Variants in EMX2 observed in about 807,000 individuals in gnomAD.
EMX2 encodes the protein homeobox protein EMX2.
A neutral mutation model predicts 23.0 loss-of-function variants in EMX2; 6 were observed. That is an observed-to-expected ratio of 0.26 (90% CI 0.14 to 0.52). EMX2 has a LOEUF of 0.52. EMX2 is among the 20% of genes least tolerant of loss of function. EMX2 has a pLI of 0.97. For synonymous variants in EMX2, 175 were observed against 153.3 expected (o/e 1.14, Z -1.04); for missense variants, 302 against 341.4 (o/e 0.88, Z 0.91).
rs1846568500 is a variant in EMX2, at chr10:117,545,745, G to A, written c.520G>A (p.Glu174Lys). The A allele has an allele frequency of 6.2e-7, 1 of 1,613,964 alleles. No homozygotes were observed. Among genetic ancestry groups the A allele is most frequent in the African/African-American group, 1.3e-5 (1 of 74,944 alleles). The change falls in exon 2 of 3, where the codon GAG becomes AAG. Residue 174 changes from glutamate (E) to lysine (K), a missense_variant. By Grantham distance (56) the Glu-to-Lys change is moderately conservative. Coordinates refer to ENST00000553456, the MANE Select transcript of EMX2 (RefSeq NM_004098.4). Reference sequence around the variant, plus strand: ...GCTTCTAAGGCTGGAACACGCCTTTGAGAAGAATCACTACGTGGTGGGCGC... The same window carrying A: ...GCTTCTAAGGCTGGAACACGCCTTTAAGAAGAATCACTACGTGGTGGGCGC... ...SQLLRLEHAF[E>K]KNHYVVGAER...
chr10:117,543,793 A>C (rs1589648263), intron 1 of EMX2, 120 bp downstream of exon 1: 1 of 1,502,770 alleles, frequency 6.7e-7, no homozygotes, highest in Non-Finnish European at 9.1e-7. Flanking sequence ...CTCGCGGGCC[A>C]GCGCGCCCTG....
At position 117,543,360 on chromosome 10, in the gene EMX2, C is replaced by A. The variant is rs146160041; in HGVS notation, c.93C>A (p.Ile31=). ...PLPASRSEDP[I]RPAALSYANS... is the part of the protein sequence containing the mutation. ...CCGCCTCGCGCTCCGAGGACCCCAT[C>A]CGTCCCGCGGCACTCAGCTACGCTA... Residue 31 remains isoleucine, a synonymous_variant, in exon 1 of 3, where the codon ATC becomes ATA. Coordinates refer to ENST00000553456, the MANE Select transcript of EMX2 (RefSeq NM_004098.4). 6.4e-7 allele frequency: 1 copy of A among 1,565,930 alleles called. No individual in the cohort carries two copies. The highest frequency in any genetic ancestry group is 8.6e-7 in the Non-Finnish European group (1 of 1,156,102).
chr10:117,548,260 G>C lies in EMX2; in HGVS notation c.*28G>C. ...ACATAAACCTAACCCCACAGAAACG[G>C]ACAACATGGAGCAAAAGAGACAGGG... On this transcript the variant is annotated 3_prime_UTR_variant, in exon 3 of 3. Coordinates refer to ENST00000553456, the MANE Select transcript of EMX2 (RefSeq NM_004098.4). 1 of 1,611,706 alleles carries C rather than the reference G, an allele frequency of 6.2e-7. No homozygotes were observed. Among genetic ancestry groups the C allele is most frequent in the Non-Finnish European group, 8.5e-7 (1 of 1,178,960 alleles).
At position 117,542,913 on chromosome 10, in the gene EMX2, CAAAAAAAAAAAAAAAAA is replaced by C. The variant is rs71013666; in HGVS notation, c.-347_-331del. On this transcript the variant is annotated 5_prime_UTR_variant, in exon 1 of 3. Transcript: ENST00000553456. ...CTCCGATCCCCCCACGCCATCTCGCCAAAAAAAAAAAAAAAAAAAAAAAAGAAAAAAAAAGAAAAAAA... is the reference window on the plus strand; with the variant it reads ...CTCCGATCCCCCCACGCCATCTCGCCAAAAAAAGAAAAAAAAAGAAAAAAA... 3.9e-4 allele frequency: 3 copies of C among 7,792 alleles called. No homozygotes were observed. Among genetic ancestry groups the C allele is most frequent in the African/African-American group, 1.3e-3 (2 of 1,494 alleles). The allele number at this position is 7,792 out of a possible 1,614,324, so 0.5% of individuals were successfully genotyped here.
rs751883477 is a variant in EMX2 at position 117,548,129 on chromosome 10, C to T, written c.656C>T (p.Ser219Leu). ...AGGCAGAAGCTGGAGGAAGAAGGCTCAGATTCGCAACAAAAGAAAAAAGGG... is the reference window on the plus strand; with the variant it reads ...AGGCAGAAGCTGGAGGAAGAAGGCTTAGATTCGCAACAAAAGAAAAAAGGG... ...FKRQKLEEEG[S>L]DSQQKKKGTH... The change falls in exon 3 of 3, where the codon TCA becomes TTA. Residue 219 changes from serine (S) to leucine (L), a missense_variant. This residue lies in a region of EMX2 where 42 missense variants were observed against 49.3 expected (regional missense o/e 0.85). Transcript: ENST00000553456. 1.4e-5 allele frequency: 23 copies of T among 1,613,568 alleles called. No homozygotes were observed. Among genetic ancestry groups the T allele is most frequent in the East Asian group, 2.2e-5 (1 of 44,870 alleles).
intron 2 of EMX2, among the ~76,000 whole-genome samples, chr10:117,547,209 G>A (rs1262289599): frequency 6.6e-6 from 1 of 152,194 alleles, no homozygotes; most frequent in Non-Finnish European, 1.5e-5. Flanking sequence ...CGGGCCTCCA[G>A]CCCCACCCTG....
In EMX2 at chr10:117,548,760, T is replaced by C. The variant is rs1302685636; in HGVS notation, c.*528T>C. 7.4e-6 allele frequency: 3 copies of C among 405,078 alleles called. No individual in the cohort carries two copies. The highest frequency in any genetic ancestry group is 1.3e-5 in the Non-Finnish European group (3 of 230,068). The allele number at this position is 405,078 out of a possible 1,614,324, so 25.1% of individuals were successfully genotyped here. A position where few individuals can be genotyped will look rare whatever the true frequency, so the allele number is the denominator to read the frequency against. On this transcript the variant is annotated 3_prime_UTR_variant, in exon 3 of 3. Transcript: ENST00000553456. Reference sequence around the variant, plus strand: ...CTTCGCTGTGTTTCCCCCCCATCTTTAAAAATAATTAGTAATAAAAAACAA... The same window carrying C: ...CTTCGCTGTGTTTCCCCCCCATCTTCAAAAATAATTAGTAATAAAAAACAA...
Position 117,548,360 on chromosome 10 carries a change from T to TCAC in EMX2, c.*129_*130insACC. 1 of 1,390,386 alleles carries TCAC rather than the reference T, an allele frequency of 7.2e-7. No individual in the cohort carries two copies. The highest frequency in any genetic ancestry group is 9.7e-7 in the Non-Finnish European group (1 of 1,030,984). 86.1% of individuals were successfully genotyped at this position (1,390,386 alleles called of 1,614,324 possible). On this transcript the variant is annotated 3_prime_UTR_variant, in exon 3 of 3. Transcript: ENST00000553456. ...CGTTCACCGAGAAAGGGAGAGGGAA[T>TCAC]CGGAGGGAGCAGCGGAATGCGGCGA...
rs899624530 is a variant in EMX2 at position 117,548,584 on chromosome 10, T to C, written c.*352T>C. ...AGAGAGAGAGAGAGAAAGCTGAACG[T>C]GCACTCTGACAAGGGGAGCTGTCAA... On this transcript the variant is annotated 3_prime_UTR_variant, in exon 3 of 3. Coordinates refer to ENST00000553456, the MANE Select transcript of EMX2 (RefSeq NM_004098.4). 3.7e-5 allele frequency: 19 copies of C among 517,826 alleles called. No individual in the cohort carries two copies. Among genetic ancestry groups the C allele is most frequent in the Admixed American group, 7.5e-5 (2 of 26,744 alleles). 32.1% of individuals were successfully genotyped at this position (517,826 alleles called of 1,614,324 possible). A position where few individuals can be genotyped will look rare whatever the true frequency, so the allele number is the denominator to read the frequency against.
Position 117,543,180 on chromosome 10 carries a change from C to G in EMX2, c.-88C>G, listed in dbSNP as rs1223920528. The G allele has an allele frequency of 1.0e-6, 1 of 1,001,938 alleles. No homozygotes were observed. The highest frequency in any genetic ancestry group is 1.3e-6 in the Non-Finnish European group (1 of 789,954). 62.1% of individuals were successfully genotyped at this position (1,001,938 alleles called of 1,614,324 possible). A position where few individuals can be genotyped will look rare whatever the true frequency, so the allele number is the denominator to read the frequency against. ...AACAAACGAGTCCCCAATTCTCGTC[C>G]GTCCTCGCCGCGGGCAGCGGGCGGC... On this transcript the variant is annotated 5_prime_UTR_variant, in exon 1 of 3. Transcript: ENST00000553456.
chr10:117,545,693 G>C lies in EMX2; in HGVS notation c.468G>C (p.Arg156=). 6.2e-7 allele frequency: 1 copy of C among 1,614,154 alleles called. No homozygotes were observed. The highest frequency in any genetic ancestry group is 8.5e-7 in the Non-Finnish European group (1 of 1,180,040). Reference sequence around the variant, plus strand: ...ACGCGCTGGCCCGAAAGCCCAAGCGGATCCGAACCGCCTTCTCCCCGTCCC... The same window carrying C: ...ACGCGCTGGCCCGAAAGCCCAAGCGCATCCGAACCGCCTTCTCCCCGTCCC... The part of the protein sequence containing the change: ...LHNALARKPK[R]IRTAFSPSQL... The change falls in exon 2 of 3, where the codon CGG becomes CGC. Residue 156 remains arginine (R), a synonymous_variant. Transcript: ENST00000553456.
intron 2 of EMX2, among the ~76,000 whole-genome samples, chr10:117,547,307 G>C (rs1251308013): frequency 6.6e-6 from 1 of 152,210 alleles, no homozygotes; most frequent in Non-Finnish European, 1.5e-5. Flanking sequence ...GGGGCTTGCT[G>C]TCACCTCCCC....
At chr10:117,547,869 C>G (rs1488823775) in intron 2 of EMX2, among the ~76,000 whole-genome samples, 196 bp from the exon 3 acceptor site, 2 of 152,052 alleles carry the variant, frequency 1.3e-5, no homozygotes, top group African/African-American at 4.8e-5. Flanking sequence ...GGGAGCTGGG[C>G]TTCTGTTCCA....
intron 1 of EMX2, 62 bp downstream of exon 1, chr10:117,543,735 C>A: frequency 1.2e-6 from 2 of 1,611,600 alleles, no homozygotes; most frequent in Admixed American, 1.7e-5. Context: ...CTGCCCCCGG[C>A]CTGCTCCGGG....
chr10:117,546,436 G>C (rs1462342077), intron 2 of EMX2, among the ~76,000 whole-genome samples: 1 of 152,250 alleles, frequency 6.6e-6, no homozygotes, highest in Non-Finnish European at 1.5e-5. Flanking sequence ...CCCAGGGTGG[G>C]GAGGGGGTTT....
At chr10:117,546,429 A>C (rs867456094) in intron 2 of EMX2, among the ~76,000 whole-genome samples, 61 of 152,348 alleles carry the variant, frequency 4.0e-4, no homozygotes, top group African/African-American at 1.3e-3. Flanking sequence ...GGTTTATCCC[A>C]GGGTGGGGAG....
Position 117,548,436 on chromosome 10 carries a change from T to C in EMX2, c.*204T>C. On this transcript the variant is annotated 3_prime_UTR_variant, in exon 3 of 3. Coordinates refer to ENST00000553456, the MANE Select transcript of EMX2 (RefSeq NM_004098.4). ...GTCCCAAACCGAGGCCGCGCCAAGATGGCAGAGGATGGAGGCTCCTTCATC... is the reference window on the plus strand; with the variant it reads ...GTCCCAAACCGAGGCCGCGCCAAGACGGCAGAGGATGGAGGCTCCTTCATC... The C allele has an allele frequency of 5.5e-6, 4 of 723,614 alleles. No individual in the cohort carries two copies. Among genetic ancestry groups the C allele is most frequent in the Admixed American group, 5.9e-5 (2 of 33,942 alleles). The allele number at this position is 723,614 out of a possible 1,614,324, so 44.8% of individuals were successfully genotyped here.
intron 1 of EMX2, among the ~76,000 whole-genome samples, chr10:117,543,887 G>A (rs1024395857): frequency 1.3e-5 from 2 of 152,222 alleles, no homozygotes; most frequent in African/African-American, 4.8e-5. Flanking sequence ...GATGGCCTGC[G>A]GGCCGCTTGA....
At chr10:117,547,959 C>G in intron 2 of EMX2, 106 bp from the exon 3 acceptor site, 2 of 1,495,710 alleles carry the variant, frequency 1.3e-6, no homozygotes, top group Non-Finnish European at 1.8e-6. Flanking sequence ...GGGGCTGGGT[C>G]TTTGCTGAGT....
Sources: gnomAD v4.1 joint callset for allele counts (sites outside exome capture counted in the v4.1 genomes callset) on GRCh38, gnomAD v4.1.1 for gene constraint, gnomAD v4.1.1 regional missense constraint, MANE v1.5 for transcripts, NCBI Gene and HGNC (gene_info 2026-07-23, HGNC 2026-07-21) for gene names.